Variants in GPC5 observed in about 807,000 individuals in gnomAD.
GPC5 encodes the protein glypican 5.
In GPC5, 47 loss-of-function variants were observed where a neutral mutation model predicts 53.9. The ratio of observed to expected loss-of-function variants is 0.87; its 90% CI spans 0.69 to 1.11. The LOEUF (loss-of-function observed/expected upper bound fraction) is 1.11. GPC5 is among the 50% of genes most tolerant of loss of function. The pLI is 0.00. For synonymous variants in GPC5, 286 were observed against 263.3 expected (o/e 1.09, Z -0.84); for missense variants, 748 against 713.1 (o/e 1.05, Z -0.56).
intron 7 of GPC5, among the ~76,000 whole-genome samples, chr13:92,313,034 G>A (rs1421930253): frequency 2.0e-5 from 3 of 151,970 alleles, no homozygotes; most frequent in East Asian, 3.9e-4. Context: ...TTAATGATGG[G>A]GATCACCTAC....
chr13:91,710,008 C>G (rs1368053835), intron 3 of GPC5, among the ~76,000 whole-genome samples: 1 of 152,194 alleles, frequency 6.6e-6, no homozygotes, highest in Admixed American at 6.5e-5. Flanking sequence ...GACTTGCCCT[C>G]CCTTCCTGTC....
At chr13:92,676,775 A>G (rs927617698) in intron 7 of GPC5, among the ~76,000 whole-genome samples, 2 of 152,198 alleles carry the variant, frequency 1.3e-5, no homozygotes, top group Admixed American at 1.3e-4. Context: ...CTAAAGAATT[A>G]TATCTTTTAA....
At chr13:92,122,936 C>T (rs2041662814) in intron 6 of GPC5, among the ~76,000 whole-genome samples, 1 of 151,942 alleles carries the variant, frequency 6.6e-6, no homozygotes, top group South Asian at 2.1e-4. Context: ...TCACACTAAA[C>T]ATACAAAGAA....
At chr13:91,981,286 T>C (rs930935574) in intron 6 of GPC5, among the ~76,000 whole-genome samples, 2 of 135,038 alleles carry the variant, frequency 1.5e-5, no homozygotes, top group African/African-American at 5.9e-5. Context: ...CCTCAAGAGT[T>C]CTTACCTTTT....
At chr13:92,526,200 A>C (rs1050619846) in intron 7 of GPC5, among the ~76,000 whole-genome samples, 3 of 152,190 alleles carry the variant, frequency 2.0e-5, no homozygotes, top group African/African-American at 7.2e-5. Context: ...GACATATAGA[A>C]CAATAAACAT....
intron 2 of GPC5, among the ~76,000 whole-genome samples, chr13:91,599,939 T>A (rs974907318): frequency 1.3e-5 from 2 of 152,208 alleles, no homozygotes; most frequent in Non-Finnish European, 2.9e-5. Context: ...TCAGCTTTTT[T>A]GAAACGGAGC....
intron 6 of GPC5, chr13:91,996,147 C>T (rs2040501969): frequency 1.3e-5 from 2 of 152,202 alleles, no homozygotes; most frequent in Admixed American, 1.3e-4. Context: ...AGAAAATCTT[C>T]ACATCCCTGA....
intron 6 of GPC5, among the ~76,000 whole-genome samples, chr13:91,946,593 C>T (rs1484088492): frequency 1.3e-5 from 2 of 152,106 alleles, no homozygotes; most frequent in Middle Eastern, 3.2e-3. Flanking sequence ...AATTTACCTA[C>T]GTAGGTGCAA....
intron 5 of GPC5, among the ~76,000 whole-genome samples, chr13:91,886,702 G>C (rs1381615878): frequency 1.3e-5 from 2 of 152,346 alleles, no homozygotes; most frequent in Admixed American, 6.5e-5. Context: ...CTCCATGCAA[G>C]TCTGAAATCC....
At chr13:92,161,452 C>A (rs963258717) in intron 7 of GPC5, among the ~76,000 whole-genome samples, 8 of 152,010 alleles carry the variant, frequency 5.3e-5, no homozygotes, top group East Asian at 3.9e-4. Context: ...CATTAAAAAC[C>A]AGATTTTCTA....
At chr13:91,734,709 A>G (rs1485211487) in intron 4 of GPC5, among the ~76,000 whole-genome samples, 1 of 85,124 alleles carries the variant, frequency 1.2e-5, no homozygotes, top group Non-Finnish European at 2.9e-5. Context: ...GAAAGACTGA[A>G]TTCCTTTGGT....
At chr13:92,703,327 A>ATCTT (rs1355098668) in intron 7 of GPC5, among the ~76,000 whole-genome samples, 4 of 151,528 alleles carry the variant, frequency 2.6e-5, no homozygotes, top group African/African-American at 7.2e-5. Context: ...GGAGAGCTCA[A>ATCTT]TCTTTATCCT....
At chr13:92,047,006 G>A (rs1049770098) in intron 6 of GPC5, among the ~76,000 whole-genome samples, 8 of 152,164 alleles carry the variant, frequency 5.3e-5, no homozygotes, top group African/African-American at 2.4e-5. Flanking sequence ...GTAGATTTAA[G>A]TGATTTCACA....
intron 6 of GPC5, among the ~76,000 whole-genome samples, chr13:91,913,293 G>A (rs149373243): frequency 0.019 from 2,947 of 151,872 alleles, 98 homozygotes; most frequent in African/African-American, 0.068. Context: ...CAGCTACTAG[G>A]GAGGCTGAGG....
intron 5 of GPC5, among the ~76,000 whole-genome samples, chr13:91,809,952 A>G (rs2038284064): frequency 1.3e-5 from 2 of 152,036 alleles, no homozygotes; most frequent in Non-Finnish European, 1.5e-5. Flanking sequence ...TGTGAAATCT[A>G]AGATTCAGGG....
chr13:91,960,166 T>TAA (rs35307972), intron 6 of GPC5, among the ~76,000 whole-genome samples: 1 of 146,988 alleles, frequency 6.8e-6, no homozygotes, highest in Admixed American at 6.8e-5. Flanking sequence ...GATCTTATTC[T>TAA]AAAAAAAAAA....
chr13:91,487,929 G>GTT (rs10684260), intron 2 of GPC5, among the ~76,000 whole-genome samples: 11,205 of 146,686 alleles, frequency 0.076, 1,001 homozygotes, highest in African/African-American at 0.22. Flanking sequence ...ATTTAAACAG[G>GTT]TTTTTTTTTT....
intron 7 of GPC5, among the ~76,000 whole-genome samples, chr13:92,351,887 A>G (rs955412470): frequency 3.9e-4 from 59 of 152,228 alleles, no homozygotes; most frequent in African/African-American, 1.4e-3. Context: ...AGTGTGAAAT[A>G]ATGATTCTTT....
chr13:91,596,523 C>T (rs2033000381), intron 2 of GPC5, among the ~76,000 whole-genome samples: 1 of 152,142 alleles, frequency 6.6e-6, no homozygotes, highest in Non-Finnish European at 1.5e-5. Context: ...TTATTGTTTG[C>T]ATGCCTCATA....
Sources: gnomAD v4.1 joint callset for allele counts (sites outside exome capture counted in the v4.1 genomes callset) on GRCh38, gnomAD v4.1.1 for gene constraint, MANE v1.5 for transcripts, NCBI Gene and HGNC (gene_info 2026-07-23, HGNC 2026-07-21) for gene names.